Variants in SCHIP1 observed in about 807,000 individuals in gnomAD.
The protein encoded by SCHIP1 is schwannomin-interacting protein 1.
A neutral mutation model predicts 29.7 loss-of-function variants in SCHIP1; 8 were observed. That is an observed-to-expected ratio of 0.27 (90% confidence interval 0.16 to 0.49). The LOEUF is 0.49. Among genes scored for constraint, SCHIP1 ranks in the 20% least tolerant of loss-of-function variants. The probability of loss-of-function intolerance (pLI) is 0.99; values close to 1 mark genes in which losing one functional copy is unlikely to be tolerated. For missense variants in SCHIP1, 193 were observed against 294.6 expected (o/e 0.66, Z 2.52); for synonymous variants, 76 against 94.9 (o/e 0.80, Z 1.16).
the SCHIP1 span, among the ~76,000 whole-genome samples, chr3:159,403,014 T>G: frequency 6.6e-6 from 1 of 152,104 alleles, no homozygotes; most frequent in African/African-American, 2.4e-5. Context: ...CCCACAAATA[T>G]GGCTAATATT....
the SCHIP1 span, among the ~76,000 whole-genome samples, chr3:159,377,028 A>G: frequency 1.3e-5 from 2 of 152,334 alleles, no homozygotes; most frequent in East Asian, 3.9e-4. Flanking sequence ...TGAATCTTCA[A>G]AAGTGTCTGA....
chr3:159,387,294 G>A, the SCHIP1 span: 1 of 280,516 alleles, frequency 3.6e-6, no homozygotes, highest in Non-Finnish European at 7.1e-6. Flanking sequence ...TTTCATCCTT[G>A]AGGGATGCCC....
the SCHIP1 span, among the ~76,000 whole-genome samples, chr3:159,295,843 A>G: frequency 1.1e-4 from 16 of 152,242 alleles, no homozygotes; most frequent in Non-Finnish European, 1.9e-4. Flanking sequence ...CATAATGGAT[A>G]TTCCATAAAT....
the SCHIP1 span, among the ~76,000 whole-genome samples, chr3:159,581,101 A>G: frequency 1.3e-5 from 2 of 152,182 alleles, no homozygotes; most frequent in Admixed American, 6.6e-5. Flanking sequence ...TTGTAGATAA[A>G]TAATAAAATT....
At chr3:159,362,964 C>A in the SCHIP1 span, among the ~76,000 whole-genome samples, 2 of 152,188 alleles carry the variant, frequency 1.3e-5, no homozygotes, top group Non-Finnish European at 2.9e-5. Context: ...ATGAAGAAAG[C>A]TGCATGAGCA....
the SCHIP1 span, among the ~76,000 whole-genome samples, chr3:159,409,856 C>T: frequency 6.6e-6 from 1 of 152,110 alleles, no homozygotes; most frequent in Non-Finnish European, 1.5e-5. Flanking sequence ...GGAGGAATCA[C>T]ATTACTTGAC....
chr3:159,531,064 C>A, the SCHIP1 span, among the ~76,000 whole-genome samples: 1 of 152,202 alleles, frequency 6.6e-6, no homozygotes, highest in East Asian at 1.9e-4. Flanking sequence ...ATGGCACTTG[C>A]ATTCACCTCA....
chr3:159,672,338 T>G, the SCHIP1 span, among the ~76,000 whole-genome samples: 1 of 152,354 alleles, frequency 6.6e-6, no homozygotes, highest in South Asian at 2.1e-4. Flanking sequence ...TGAAATGACA[T>G]TAACTACTGT....
At chr3:159,622,887 C>G in the SCHIP1 span, among the ~76,000 whole-genome samples, 1 of 152,102 alleles carries the variant, frequency 6.6e-6, no homozygotes, top group East Asian at 1.9e-4. Flanking sequence ...CACTGCACTC[C>G]AGCCTGGGAG....
the SCHIP1 span, among the ~76,000 whole-genome samples, chr3:159,663,701 A>G: frequency 6.6e-6 from 1 of 152,232 alleles, no homozygotes. Flanking sequence ...GAAGCTAGTT[A>G]CACTGTTTGG....
the SCHIP1 span, among the ~76,000 whole-genome samples, chr3:159,712,446 G>A: frequency 1.9e-4 from 29 of 152,164 alleles, no homozygotes; most frequent in African/African-American, 5.8e-4. Flanking sequence ...ATCCAGTCTG[G>A]TGGCTCATGC....
At chr3:159,777,997 T>C in the SCHIP1 span, among the ~76,000 whole-genome samples, 8 of 152,130 alleles carry the variant, frequency 5.3e-5, no homozygotes, top group African/African-American at 1.9e-4. Flanking sequence ...ACATTTTTTT[T>C]TTTTTGAGAT....
At chr3:159,339,585 A>G in the SCHIP1 span, among the ~76,000 whole-genome samples, 2 of 152,190 alleles carry the variant, frequency 1.3e-5, no homozygotes, top group African/African-American at 2.4e-5. Flanking sequence ...TTCAGTTAAG[A>G]AAAAAGTTCC....
At chr3:159,676,655 A>G in the SCHIP1 span, among the ~76,000 whole-genome samples, 1 of 152,160 alleles carries the variant, frequency 6.6e-6, no homozygotes, top group Non-Finnish European at 1.5e-5. Flanking sequence ...CAAAACCCAC[A>G]TGTCTGGAGG....
the SCHIP1 span, among the ~76,000 whole-genome samples, chr3:159,719,198 C>T: frequency 3.9e-5 from 6 of 152,030 alleles, no homozygotes; most frequent in South Asian, 4.2e-4. Flanking sequence ...AGCTGAAACC[C>T]GATCCCTTCC....
the SCHIP1 span, among the ~76,000 whole-genome samples, chr3:159,614,365 T>C: frequency 1.3e-5 from 2 of 152,354 alleles, no homozygotes; most frequent in East Asian, 3.9e-4. Flanking sequence ...ATATGGATTT[T>C]ATTTTCTCAT....
the SCHIP1 span, among the ~76,000 whole-genome samples, chr3:159,685,213 G>A: frequency 6.6e-6 from 1 of 152,132 alleles, no homozygotes; most frequent in Non-Finnish European, 1.5e-5. Context: ...CAAATAGATT[G>A]TAAATTCCAC....
the SCHIP1 span, among the ~76,000 whole-genome samples, chr3:159,785,258 ATGAT>A: frequency 3.3e-5 from 5 of 152,252 alleles, no homozygotes; most frequent in African/African-American, 1.2e-4. Flanking sequence ...TTAAAAAATC[ATGAT>A]TAAGTATTAT....
At chr3:159,462,107 G>A in the SCHIP1 span, among the ~76,000 whole-genome samples, 1 of 152,034 alleles carries the variant, frequency 6.6e-6, no homozygotes, top group Non-Finnish European at 1.5e-5. Context: ...CTACTTGGGA[G>A]GCTGAGGCAG....
Sources: allele counts gnomAD v4.1 joint callset (sites outside exome capture counted in the v4.1 genomes callset), GRCh38; gene constraint gnomAD v4.1.1; transcripts MANE v1.5; gene names NCBI Gene and HGNC (gene_info 2026-07-23, HGNC 2026-07-21).